The following PDE4D variants were observed in gnomAD, a reference collection of about 807,000 sequenced individuals.
PDE4D encodes the protein 3',5'-cyclic-AMP phosphodiesterase 4D.
A neutral mutation model predicts 87.4 loss-of-function variants in PDE4D; 24 were observed. That is an observed-to-expected ratio of 0.27 (90% CI 0.20 to 0.39). The LOEUF (loss-of-function observed/expected upper bound fraction) is 0.39. Among genes scored for constraint, PDE4D ranks in the 10% least tolerant of loss-of-function variants. The pLI is 1.00. For synonymous variants in PDE4D, 384 were observed against 383.2 expected, an observed-to-expected ratio of 1.00 and a Z score of -0.02; for missense variants, 714 against 1,041.0, an observed-to-expected ratio of 0.69 and a Z score of 4.32.
intron 2 of PDE4D, among the ~76,000 whole-genome samples, chr5:60,107,419 T>C (rs1213008474): frequency 5.9e-5 from 9 of 152,192 alleles, no homozygotes; most frequent in Non-Finnish European, 1.2e-4. Context: ...AGCCGAATTC[T>C]ACCAGAGGTA....
chr5:59,273,432 A>C (rs956134389), intron 1 of PDE4D, among the ~76,000 whole-genome samples: 1 of 152,122 alleles, frequency 6.6e-6, no homozygotes, highest in Non-Finnish European at 1.5e-5. Flanking sequence ...TAATTAAATA[A>C]ATAAATATAA....
chr5:59,011,623 T>C (rs1270977247), intron 6 of PDE4D, among the ~76,000 whole-genome samples: 5 of 152,076 alleles, frequency 3.3e-5, no homozygotes, highest in Non-Finnish European at 1.5e-5. Flanking sequence ...TAAAAATAAA[T>C]GAACAAAGCC....
chr5:59,851,002 T>C (rs1190813419), intron 1 of PDE4D, among the ~76,000 whole-genome samples: 4 of 152,076 alleles, frequency 2.6e-5, no homozygotes, highest in Non-Finnish European at 4.4e-5. Context: ...CCCAACAGAA[T>C]AGGGCAGAAG....
chr5:59,469,854 G>A (rs1460294912), intron 1 of PDE4D, among the ~76,000 whole-genome samples: 3 of 152,036 alleles, frequency 2.0e-5, no homozygotes, highest in Admixed American at 1.3e-4. Flanking sequence ...GCAAACCAAC[G>A]CTAAAGGCAG....
At chr5:59,931,519 A>G (rs1029574275) in intron 3 of PDE4D, among the ~76,000 whole-genome samples, 1 of 152,076 alleles carries the variant, frequency 6.6e-6, no homozygotes, top group Non-Finnish European at 1.5e-5. Context: ...AAGGTTTCAC[A>G]TGGCAAGGGG....
intron 1 of PDE4D, among the ~76,000 whole-genome samples, chr5:59,745,523 G>A (rs1759479614): frequency 6.6e-6 from 1 of 152,136 alleles, no homozygotes; most frequent in African/African-American, 2.4e-5. Flanking sequence ...GCCAATTCTG[G>A]ACAGTGTGTT....
At chr5:59,676,215 T>C (rs1748060249) in intron 1 of PDE4D, among the ~76,000 whole-genome samples, 1 of 151,996 alleles carries the variant, frequency 6.6e-6, no homozygotes, top group Non-Finnish European at 1.5e-5. Context: ...ACAAGAAAAA[T>C]ACAGTCATAA....
intron 1 of PDE4D, among the ~76,000 whole-genome samples, chr5:59,637,593 C>G (rs796414781): frequency 1.3e-5 from 2 of 152,076 alleles, no homozygotes; most frequent in African/African-American, 4.8e-5. Flanking sequence ...GAGTTCATGT[C>G]CTTTGCAGGG....
chr5:60,083,984 C>G (rs528957159), intron 2 of PDE4D, among the ~76,000 whole-genome samples: 17 of 152,260 alleles, frequency 1.1e-4, no homozygotes, highest in Admixed American at 1.0e-3. Flanking sequence ...TGCCAGTTTT[C>G]TTCATTGTAA....
intron 3 of PDE4D, among the ~76,000 whole-genome samples, chr5:59,956,396 C>T (rs539771377): frequency 6.6e-6 from 1 of 152,236 alleles, no homozygotes; most frequent in Non-Finnish European, 1.5e-5. Flanking sequence ...GTAACTGCAA[C>T]CATAGCAGAG....
chr5:60,183,729 T>G (rs1299532731), intron 2 of PDE4D, among the ~76,000 whole-genome samples: 1 of 152,188 alleles, frequency 6.6e-6, no homozygotes, highest in African/African-American at 2.4e-5. Context: ...TAAACTTTCT[T>G]CATCAAAACC....
intron 1 of PDE4D, among the ~76,000 whole-genome samples, chr5:59,624,082 T>C (rs1039687999): frequency 7.9e-5 from 12 of 152,214 alleles, no homozygotes; most frequent in African/African-American, 2.9e-4. Flanking sequence ...CCTTCTTACA[T>C]GTAATTGCTT....
At position 59,319,607 on chromosome 5, in the gene PDE4D, T is replaced by A. The variant is rs114472463; in HGVS notation, c.456-103639A>T. Among the ~76,000 whole-genome samples, 356 of 152,294 alleles carry A rather than the reference T, an allele frequency of 2.3e-3. 1 individual carries two copies. The highest frequency in any genetic ancestry group is 8.4e-3 in the African/African-American group (349 of 41,582). On this transcript the variant is annotated intron_variant, in intron 1 of 14. Coordinates refer to ENST00000340635, the MANE Select transcript of PDE4D (RefSeq NM_001104631.2). Reference sequence around the variant, plus strand: ...AACCTTAATTCTGTGTTTATTCTTTTGTGTGAGTGAAATAACAACAGAGTC... The same window carrying A: ...AACCTTAATTCTGTGTTTATTCTTTAGTGTGAGTGAAATAACAACAGAGTC...
intron 1 of PDE4D, among the ~76,000 whole-genome samples, chr5:60,362,715 C>T (rs1330572673): frequency 6.6e-6 from 1 of 151,972 alleles, no homozygotes; most frequent in Admixed American, 6.6e-5. Flanking sequence ...AAAAATTAGC[C>T]AGGTATGGCG....
intron 1 of PDE4D, among the ~76,000 whole-genome samples, chr5:59,814,990 C>T (rs1209310589): frequency 6.6e-6 from 1 of 152,112 alleles, no homozygotes; most frequent in Non-Finnish European, 1.5e-5. Flanking sequence ...CGTTTTTGCA[C>T]AGAGTCTGGC....
chr5:59,941,127 T>A (rs1429539123), intron 3 of PDE4D, among the ~76,000 whole-genome samples: 1 of 152,194 alleles, frequency 6.6e-6, no homozygotes, highest in Admixed American at 6.5e-5. Context: ...AATAAGTATA[T>A]TTCCTTCACA....
intron 1 of PDE4D, among the ~76,000 whole-genome samples, chr5:59,505,002 CTCATTAGTCT>C: frequency 6.6e-6 from 1 of 151,406 alleles, no homozygotes; most frequent in South Asian, 2.1e-4. Context: ...TGTAGGGCTG[CTCATTAGTCT>C]TAACATTTGA....
At chr5:60,117,415 T>G (rs1166232830) in intron 2 of PDE4D, among the ~76,000 whole-genome samples, 1 of 152,070 alleles carries the variant, frequency 6.6e-6, no homozygotes, top group African/African-American at 2.4e-5. Flanking sequence ...CTTAAAGTTT[T>G]CACTTTCTTT....
chr5:59,518,193 TTGTGTGTGTGTGTG>T (rs34669732), intron 1 of PDE4D, among the ~76,000 whole-genome samples: 6 of 149,544 alleles, frequency 4.0e-5, no homozygotes, highest in South Asian at 2.1e-4. Flanking sequence ...ACTTGTGTGT[TTGTGTGTGTGTGTG>T]TGTGTGTGTG....
Sources: gnomAD v4.1 joint callset for allele counts (sites outside exome capture counted in the v4.1 genomes callset) on GRCh38, gnomAD v4.1.1 for gene constraint, MANE v1.5 for transcripts, NCBI Gene and HGNC (gene_info 2026-07-23, HGNC 2026-07-21) for gene names.